CHD9: variants seen among roughly 807,000 people sequenced by gnomAD.
CHD9 encodes ATP-dependent chromatin remodeler CHD9.
Under a neutral mutation model 316.1 loss-of-function variants are expected in CHD9, and 77 were observed. The ratio of observed to expected loss-of-function variants is 0.24; its 90% confidence interval spans 0.20 to 0.29. CHD9 has a LOEUF of 0.29. Among genes scored for constraint, CHD9 ranks in the 10% least tolerant of loss-of-function variants. CHD9 has a pLI of 1.00. For missense variants in CHD9, 2,763 were observed against 3,438.1 expected, an observed-to-expected ratio of 0.80 and a Z score of 4.91; for synonymous variants, 1,129 against 1,158.3, an observed-to-expected ratio of 0.97 and a Z score of 0.51.
intron 27 of CHD9, among the ~76,000 whole-genome samples, chr16:53,289,714 T>C (rs1425900799): frequency 2.0e-5 from 3 of 152,142 alleles, no homozygotes; most frequent in Non-Finnish European, 4.4e-5. Flanking sequence ...CATCTACCAC[T>C]CCTAGGGCTC....
At chr16:53,283,133 C>T (rs140226491) in intron 24 of CHD9, among the ~76,000 whole-genome samples, 52 of 152,252 alleles carry the variant, frequency 3.4e-4, no homozygotes, top group Non-Finnish European at 4.7e-4. Flanking sequence ...TCTTCCTGCT[C>T]AGCCAACATT....
rs1555544713 is a variant in CHD9 at position 53,304,127 on chromosome 16, A to G, written c.6121A>G (p.Ile2041Val). Residue 2041 changes from isoleucine to valine, a missense_variant, in exon 31 of 39, where the codon ATT becomes GTT. Around this residue, in one of 15 missense-constraint regions of CHD9, gnomAD observed 663 missense variants for 751.2 expected, o/e 0.88. Coordinates refer to ENST00000447540, the MANE Select transcript of CHD9 (RefSeq NM_001308319.2). ...LPRLLDAKGI[I>V]LEEMKVKSEN... is the part of the protein sequence containing the mutation. ...TAGGCTCCTAGATGCTAAAGGTATTATTCTAGAGGAGATGAAAGTTAAAAG... is the reference window on the plus strand; with the variant it reads ...TAGGCTCCTAGATGCTAAAGGTATTGTTCTAGAGGAGATGAAAGTTAAAAG... The G allele has an allele frequency of 6.2e-6, 10 of 1,613,460 alleles. No individual in the cohort carries two copies. In the South Asian group the frequency reaches 9.9e-5, roughly 16 times the overall value.
intron 2 of CHD9, among the ~76,000 whole-genome samples, chr16:53,201,314 C>T (rs1004955562): frequency 1.3e-5 from 2 of 152,258 alleles, no homozygotes; most frequent in Admixed American, 6.5e-5. Context: ...AGATTAAATA[C>T]TATTTGTTTT....
intron 10 of CHD9, among the ~76,000 whole-genome samples, chr16:53,234,653 G>A (rs1357733798): frequency 6.6e-6 from 1 of 151,630 alleles, no homozygotes; most frequent in Non-Finnish European, 1.5e-5. Flanking sequence ...TGTTGCCCAG[G>A]CTGGTCTTGA....
At chr16:53,173,065 T>C (rs1174627153) in intron 2 of CHD9, among the ~76,000 whole-genome samples, 1 of 152,188 alleles carries the variant, frequency 6.6e-6, no homozygotes, top group Non-Finnish European at 1.5e-5. Flanking sequence ...TTAAGAAATC[T>C]ATGCCTGCCC....
At chr16:53,183,653 C>T (rs1345300250) in intron 2 of CHD9, among the ~76,000 whole-genome samples, 1 of 152,104 alleles carries the variant, frequency 6.6e-6, no homozygotes, top group Non-Finnish European at 1.5e-5. Flanking sequence ...GTGACTCATG[C>T]CTTTAATCCC....
intron 1 of CHD9, among the ~76,000 whole-genome samples, chr16:53,059,640 C>T (rs924173528): frequency 6.6e-6 from 1 of 152,206 alleles, no homozygotes; most frequent in African/African-American, 2.4e-5. Flanking sequence ...TCGGCCTCCC[C>T]ACTCATGGGG....
chr16:53,303,510 T>A (rs959485331), intron 30 of CHD9, among the ~76,000 whole-genome samples: 4 of 152,186 alleles, frequency 2.6e-5, no homozygotes, highest in African/African-American at 9.7e-5. Context: ...TTTCTCCTTT[T>A]TAAAGCTTTT....
chr16:53,106,683 G>A (rs1291753341), intron 1 of CHD9, among the ~76,000 whole-genome samples: 2 of 150,352 alleles, frequency 1.3e-5, no homozygotes, highest in Non-Finnish European at 1.5e-5. Flanking sequence ...CACACACAGC[G>A]CGATGTGCAT....
chr16:53,306,349 T>C lies in CHD9; in HGVS notation c.6732T>C (p.Ala2244=), dbSNP rs1477798689. ...FQMNNGTPES[A]YILQGGYMLA... is the part of the protein sequence containing the mutation. Reference sequence around the variant, plus strand: ...TGAACAATGGGACACCAGAGTCTGCTTATATCTTACAAGGTGGATATATGC... The same window carrying C: ...TGAACAATGGGACACCAGAGTCTGCCTATATCTTACAAGGTGGATATATGC... The change falls in exon 32 of 39, where the codon GCT becomes GCC. Residue 2244 remains alanine, a synonymous_variant. Coordinates refer to ENST00000447540, the MANE Select transcript of CHD9 (RefSeq NM_001308319.2). 5 of 1,609,984 alleles carry C rather than the reference T, an allele frequency of 3.1e-6. No homozygotes were observed. Among genetic ancestry groups the C allele is most frequent in the African/African-American group, 2.7e-5 (2 of 74,606 alleles).
chr16:53,295,692 GCTAA>G (rs1250423367), intron 29 of CHD9, among the ~76,000 whole-genome samples: 2 of 152,008 alleles, frequency 1.3e-5, no homozygotes, highest in Non-Finnish European at 2.9e-5. Context: ...GGTTTCCCAA[GCTAA>G]CTATTTTTAC....
chr16:53,215,022 C>T (rs2046629668), intron 3 of CHD9, among the ~76,000 whole-genome samples: 1 of 152,006 alleles, frequency 6.6e-6, no homozygotes, highest in Non-Finnish European at 1.5e-5. Flanking sequence ...ATGCCATTCT[C>T]CTACCTCAGC....
intron 2 of CHD9, among the ~76,000 whole-genome samples, chr16:53,198,607 T>C (rs1414848928): frequency 6.6e-6 from 1 of 151,958 alleles, no homozygotes; most frequent in Non-Finnish European, 1.5e-5. Context: ...ATTACAGGCG[T>C]GAGCCACCAC....
At chr16:53,259,059 G>A (rs551700970) in intron 19 of CHD9, among the ~76,000 whole-genome samples, 2 of 152,254 alleles carry the variant, frequency 1.3e-5, no homozygotes, top group African/African-American at 4.8e-5. Context: ...ATGGCGGAAG[G>A]AATGCATTTT....
chr16:53,317,064 C>T (rs952094722), intron 36 of CHD9, among the ~76,000 whole-genome samples: 2 of 147,768 alleles, frequency 1.4e-5, no homozygotes, highest in Non-Finnish European at 3.0e-5. Context: ...GGCATGGTGG[C>T]GGGTGCCTGT....
In CHD9 at chr16:53,209,608, A is replaced by G. The variant is rs755886320; in HGVS notation, c.1579A>G (p.Asn527Asp). The change falls in exon 3 of 39, where the codon AAT (asparagine) becomes GAT (aspartate). Residue 527 changes from asparagine to aspartate, a missense_variant. This residue lies in a region of CHD9 where 859 missense variants were observed against 890.4 expected (regional missense o/e 0.96). Coordinates refer to ENST00000447540, the MANE Select transcript of CHD9 (RefSeq NM_001308319.2). ...VESESKQEKA[N>D]RIISEAIAKA... ...ATCAGAAAGCAAGCAAGAAAAGGCTAATCGTATAATATCAGAGGCCATAGC... is the reference window on the plus strand; with the variant it reads ...ATCAGAAAGCAAGCAAGAAAAGGCTGATCGTATAATATCAGAGGCCATAGC... 3.1e-6 allele frequency: 5 copies of G among 1,613,812 alleles called. No individual in the cohort carries two copies. Among genetic ancestry groups the G allele is most frequent in the African/African-American group, 2.7e-5 (2 of 74,926 alleles).
chr16:53,120,670 A>C (rs528975550), intron 1 of CHD9, among the ~76,000 whole-genome samples: 1 of 152,122 alleles, frequency 6.6e-6, no homozygotes, highest in South Asian at 2.1e-4. Context: ...TACAGTTTCC[A>C]TCACTCCTTA....
rs1384335457 is a variant in CHD9, at chr16:53,324,916, A to G, written c.*21A>G. 6.5e-6 allele frequency: 10 copies of G among 1,533,818 alleles called. No individual in the cohort carries two copies. The East Asian group carries it at 1.8e-4, about 28-fold the overall frequency. Reference sequence around the variant, plus strand: ...ACTGATTCCCAGACTCTGCACTTAAAATATGAACTGATTTTGGATTTTTTC... The same window carrying G: ...ACTGATTCCCAGACTCTGCACTTAAGATATGAACTGATTTTGGATTTTTTC... On this transcript the variant is annotated 3_prime_UTR_variant, in exon 39 of 39. Transcript: ENST00000447540.
chr16:53,306,655 T>C (rs2056002802), intron 32 of CHD9, among the ~76,000 whole-genome samples: 1 of 152,236 alleles, frequency 6.6e-6, no homozygotes, highest in South Asian at 2.1e-4. Flanking sequence ...CTAAAGTGCT[T>C]CTTTATGAAA....
Sources: allele counts gnomAD v4.1 joint callset (sites outside exome capture counted in the v4.1 genomes callset), GRCh38; gene constraint gnomAD v4.1.1; regional missense constraint gnomAD v4.1.1; transcripts MANE v1.5; gene names NCBI Gene and HGNC (gene_info 2026-07-23, HGNC 2026-07-21).